BACH1: variants seen among roughly 807,000 people sequenced by gnomAD.
BACH1 encodes transcription regulator protein BACH1.
In BACH1, 35 loss-of-function variants were observed where a neutral mutation model predicts 52.9. The ratio of observed to expected loss-of-function variants is 0.66; its 90% CI spans 0.51 to 0.88. The LOEUF is 0.88. Among genes scored for constraint, BACH1 ranks in the 40% least tolerant of loss-of-function variants. The probability of loss-of-function intolerance (pLI) is 0.00; values close to 1 mark genes in which losing one functional copy is unlikely to be tolerated. For synonymous variants in BACH1, 321 were observed against 319.6 expected (o/e 1.00, Z -0.05); for missense variants, 808 against 872.6 (o/e 0.93, Z 0.93).
Position 29,321,530 on chromosome 21 carries a change from T to A in BACH1, c.234+16T>A, listed in dbSNP as rs369718263. 16 of 1,602,796 alleles carry A rather than the reference T, an allele frequency of 1.0e-5. No individual in the cohort carries two copies. The African/African-American group carries it at 2.0e-4, about 20-fold the overall frequency. The stretch of plus-strand genomic sequence containing the variant: ...TCCAGAAGAGGTGAGAGATCCATGT[T>A]TTTGGCAATTTTAATCTACTTTTAC... On this transcript the variant is annotated intron_variant, in intron 2 of 4. Coordinates refer to ENST00000286800, the MANE Select transcript of BACH1 (RefSeq NM_001186.4).
chr21:29,360,261 G>A (rs760424224), intron 2 of BACH1, among the ~76,000 whole-genome samples: 4 of 152,174 alleles, frequency 2.6e-5, no homozygotes, highest in East Asian at 1.9e-4. Context: ...TCATAGGCAC[G>A]TCCTTAGCCT....
rs1290847322 is a variant in BACH1 at position 29,321,399 on chromosome 21, T to A, written c.119T>A (p.Val40Glu). ...KDVLCDVTIF[V>E]EGQRFRAHRS... Reference sequence around the variant, plus strand: ...GTGCTGTGCGATGTCACCATCTTTGTGGAGGGACAGCGGTTCCGCGCTCAC... The same window carrying A: ...GTGCTGTGCGATGTCACCATCTTTGAGGAGGGACAGCGGTTCCGCGCTCAC... Residue 40 changes from valine (V) to glutamate (E), a missense_variant, in exon 2 of 5, where the codon GTG becomes GAG. Coordinates refer to ENST00000286800, the MANE Select transcript of BACH1 (RefSeq NM_001186.4). 6.2e-7 allele frequency: 1 copy of A among 1,614,116 alleles called. No homozygotes were observed. Among genetic ancestry groups the A allele is most frequent in the African/African-American group, 1.3e-5 (1 of 74,932 alleles).
rs1306525351 is a variant in BACH1, at chr21:29,342,761, A to G, written c.2139A>G (p.Glu713=). 1.3e-5 allele frequency: 21 copies of G among 1,614,000 alleles called. No homozygotes were observed. The highest frequency in any genetic ancestry group is 1.7e-5 in the Non-Finnish European group (20 of 1,179,982). Residue 713 remains glutamate (E), a synonymous_variant, in exon 5 of 5, where the codon GAA becomes GAG. Transcript: ENST00000286800. ...CCTCTGAGCAAGCTGGGCCTGCGGA[A>G]CAGTGTCGTCAGAGTGGTGGGATCT... ...TATSEQAGPA[E]QCRQSGGISD... is the part of the protein sequence containing the mutation.
At chr21:29,319,571 A>T (rs1161524867) in intron 1 of BACH1, among the ~76,000 whole-genome samples, 1 of 151,680 alleles carries the variant, frequency 6.6e-6, no homozygotes, top group Admixed American at 6.6e-5. Context: ...CTGCGACTGC[A>T]CATTGTAAAT....
At chr21:29,319,740 A>G (rs1423030227) in intron 1 of BACH1, among the ~76,000 whole-genome samples, 2 of 148,756 alleles carry the variant, frequency 1.3e-5, no homozygotes, top group African/African-American at 5.0e-5. Context: ...GTACAGGGAC[A>G]TAGTAGGGCA....
intron 4 of BACH1, among the ~76,000 whole-genome samples, chr21:29,334,958 T>G (rs2089027432): frequency 6.6e-6 from 1 of 152,226 alleles, no homozygotes; most frequent in Non-Finnish European, 1.5e-5. Flanking sequence ...CAGCATTTCT[T>G]GAAATGTGGT....
chr21:29,334,341 G>A (rs573146507), intron 4 of BACH1, among the ~76,000 whole-genome samples: 3 of 151,736 alleles, frequency 2.0e-5, no homozygotes, highest in East Asian at 1.9e-4. Context: ...CTCTTGATCC[G>A]CCCGCCTCGG....
chr21:29,335,519 T>C (rs948133270), intron 4 of BACH1, among the ~76,000 whole-genome samples: 2 of 152,196 alleles, frequency 1.3e-5, no homozygotes, highest in Non-Finnish European at 1.5e-5. Context: ...AGTGTGTTCA[T>C]TTTTTCTTGA....
downstream of BACH1, among the ~76,000 whole-genome samples, chr21:29,350,254 A>C (rs1318886824): frequency 6.6e-6 from 1 of 151,858 alleles, no homozygotes; most frequent in Non-Finnish European, 1.5e-5. Flanking sequence ...TACTACCCAA[A>C]CTCTGCTCTT....
At chr21:29,331,898 GTTTA>G (rs1041627635) in intron 4 of BACH1, among the ~76,000 whole-genome samples, 1 of 151,778 alleles carries the variant, frequency 6.6e-6, no homozygotes, top group Non-Finnish European at 1.5e-5. Flanking sequence ...ATTTTATTTG[GTTTA>G]TTTATTTATT....
chr21:29,307,859 A>G (rs1350013181), intron 1 of BACH1, among the ~76,000 whole-genome samples: 1 of 152,194 alleles, frequency 6.6e-6, no homozygotes, highest in East Asian at 1.9e-4. Flanking sequence ...TGAAAGGCAG[A>G]CAAATAATGT....
chr21:29,336,548 T>G (rs575131486), intron 4 of BACH1, among the ~76,000 whole-genome samples: 1 of 152,238 alleles, frequency 6.6e-6, no homozygotes. Context: ...GTTGATGACC[T>G]TCACTGTGAT....
intron 2 of BACH1, among the ~76,000 whole-genome samples, chr21:29,321,913 A>G (rs1056674457): frequency 6.6e-6 from 1 of 152,120 alleles, no homozygotes; most frequent in African/African-American, 2.4e-5. Flanking sequence ...GCGCTAATAA[A>G]GACATACCTG....
intron 1 of BACH1, among the ~76,000 whole-genome samples, chr21:29,314,581 G>T (rs112547764): frequency 6.6e-6 from 1 of 152,148 alleles, no homozygotes. Context: ...TGCAAAAATT[G>T]TAGTGATTCC....
chr21:29,329,871 G>A (rs1416864242), intron 4 of BACH1, among the ~76,000 whole-genome samples, 178 bp downstream of exon 4: 1 of 152,060 alleles, frequency 6.6e-6, no homozygotes, highest in African/African-American at 2.4e-5. Flanking sequence ...TTTTTAAAAA[G>A]AAGGTTTTCA....
intron 2 of BACH1, among the ~76,000 whole-genome samples, chr21:29,356,547 G>C (rs2123493379): frequency 6.6e-6 from 1 of 152,336 alleles, no homozygotes; most frequent in African/African-American, 2.4e-5. Flanking sequence ...AGTTGAGGAG[G>C]AACCGTATAT....
In BACH1 at chr21:29,345,013, C is replaced by T. The variant is rs1601371417; in HGVS notation, c.*2180C>T. 4.6e-5 allele frequency: 7 copies of T among 152,694 alleles called. No homozygotes were observed. In the South Asian group the frequency reaches 1.4e-3, roughly 32 times the overall value. 9.5% of individuals were successfully genotyped at this position (152,694 alleles called of 1,614,324 possible). ...TTCTCTCTACCTATAAACAGTTTAG[C>T]ATTAAGGGTTTCTATTAATGACACA... On this transcript the variant is annotated 3_prime_UTR_variant, in exon 5 of 5. Transcript: ENST00000286800.
intron 2 of BACH1, among the ~76,000 whole-genome samples, chr21:29,358,677 T>A (rs935962664): frequency 6.6e-6 from 1 of 151,180 alleles, no homozygotes; most frequent in African/African-American, 2.4e-5. Context: ...GAGGCAGAGG[T>A]TGCAGTAAGC....
intron 1 of BACH1, among the ~76,000 whole-genome samples, chr21:29,310,426 G>A (rs919914744): frequency 3.9e-5 from 6 of 152,160 alleles, no homozygotes; most frequent in Admixed American, 2.6e-4. Flanking sequence ...GATGAGGGTG[G>A]CAACCAAGAT....
Sources: allele counts gnomAD v4.1 joint callset (sites outside exome capture counted in the v4.1 genomes callset), GRCh38; gene constraint gnomAD v4.1.1; transcripts MANE v1.5; gene names NCBI Gene and HGNC (gene_info 2026-07-23, HGNC 2026-07-21).